The following FAM227B variants were observed in gnomAD, a reference collection of about 807,000 sequenced individuals.
FAM227B encodes protein FAM227B.
FAM227B carries 88 observed loss-of-function variants against 73.8 expected under a neutral mutation model. The ratio of observed to expected loss-of-function variants is 1.19; its 90% CI spans 1.00 to 1.42. FAM227B has a LOEUF of 1.42. Ranked by LOEUF, FAM227B falls within the 40% of genes most tolerant of loss-of-function variation. The pLI is 0.00. For missense variants in FAM227B, 632 were observed against 590.9 expected, an observed-to-expected ratio of 1.07 and a Z score of -0.72; for synonymous variants, 210 against 190.5, an observed-to-expected ratio of 1.10 and a Z score of -0.84.
intron 8 of FAM227B, among the ~76,000 whole-genome samples, chr15:49,569,175 AAC>A (rs1006516660): frequency 1.3e-5 from 2 of 151,904 alleles, no homozygotes; most frequent in Admixed American, 6.6e-5. Flanking sequence ...ATTCATTTAC[AAC>A]ACTCTTATAA....
intron 13 of FAM227B, among the ~76,000 whole-genome samples, chr15:49,348,820 C>T (rs750173373): frequency 3.3e-5 from 5 of 152,178 alleles, no homozygotes; most frequent in African/African-American, 4.8e-5. Flanking sequence ...TTTACCCCAG[C>T]CTTTGATATT....
intron 2 of FAM227B, among the ~76,000 whole-genome samples, chr15:49,613,092 T>C (rs2078055981): frequency 6.6e-6 from 1 of 152,146 alleles, no homozygotes; most frequent in East Asian, 1.9e-4. Flanking sequence ...CTCATGCCTA[T>C]AATACCAGCA....
intron 11 of FAM227B, among the ~76,000 whole-genome samples, chr15:49,392,997 A>G (rs1265671092): frequency 6.6e-6 from 1 of 152,184 alleles, no homozygotes; most frequent in African/African-American, 2.4e-5. Context: ...GAATGGACCA[A>G]TCCTACCACT....
At chr15:49,373,076 A>T (rs1567173985) in intron 11 of FAM227B, among the ~76,000 whole-genome samples, 2 of 152,002 alleles carry the variant, frequency 1.3e-5, no homozygotes, top group Non-Finnish European at 2.9e-5. Flanking sequence ...AAATACACAT[A>T]TAATACTTAA....
At position 49,328,214 on chromosome 15, in the gene FAM227B, C is replaced by G. The variant is rs182130124; in HGVS notation, c.*354G>C. ...TTAGGGCACTTAGGAATTGGCAGGACTTTCTGTGCCACAGTAAATTAATCT... is the reference window on the plus strand; with the variant it reads ...TTAGGGCACTTAGGAATTGGCAGGAGTTTCTGTGCCACAGTAAATTAATCT... On this transcript the variant is annotated 3_prime_UTR_variant, in exon 16 of 16. Transcript: ENST00000299338. 613 of 1,547,084 alleles carry G rather than the reference C, an allele frequency of 4.0e-4. 2 individuals are homozygous for G. The highest frequency in any genetic ancestry group is 4.6e-4 in the Non-Finnish European group (530 of 1,144,158).
intron 10 of FAM227B, among the ~76,000 whole-genome samples, chr15:49,527,317 G>A (rs961812500): frequency 2.6e-5 from 4 of 151,704 alleles, no homozygotes; most frequent in African/African-American, 9.7e-5. Context: ...TGCAGAATAA[G>A]CATTCAACAA....
intron 13 of FAM227B, among the ~76,000 whole-genome samples, chr15:49,351,147 AT>A (rs919293389): frequency 2.0e-5 from 3 of 152,292 alleles, no homozygotes; most frequent in African/African-American, 7.2e-5. Context: ...GTTTGCACTT[AT>A]TTGAATTCAG....
intron 1 of FAM227B, among the ~76,000 whole-genome samples, chr15:49,619,755 T>C (rs970242111): frequency 1.3e-5 from 2 of 152,206 alleles, no homozygotes; most frequent in Non-Finnish European, 2.9e-5. Flanking sequence ...AAAAGGAAAA[T>C]GGTTGTGAAT....
At chr15:49,527,089 A>G (rs2060260956) in intron 10 of FAM227B, among the ~76,000 whole-genome samples, 1 of 152,010 alleles carries the variant, frequency 6.6e-6, no homozygotes, top group Non-Finnish European at 1.5e-5. Context: ...CATAAAAAAG[A>G]AAACTACAGT....
At chr15:49,489,170 A>T in intron 11 of FAM227B, 1 of 740,062 alleles carries the variant, frequency 1.4e-6, no homozygotes. Context: ...CATACATACC[A>T]GAAAGCAGGG....
At chr15:49,489,246 G>T in intron 11 of FAM227B, 1 of 985,032 alleles carries the variant, frequency 1.0e-6, no homozygotes, top group Non-Finnish European at 1.2e-6. Flanking sequence ...TAATGTCACT[G>T]CCATAAACTG....
intron 3 of FAM227B, among the ~76,000 whole-genome samples, chr15:49,591,578 A>C (rs9745254): frequency 0.068 from 8,827 of 129,018 alleles, 964 homozygotes; most frequent in African/African-American, 0.24. Context: ...CTCCGCCTCC[A>C]AGGTTCAAGC....
intron 11 of FAM227B, among the ~76,000 whole-genome samples, chr15:49,474,577 A>C (rs1208860307): frequency 1.3e-5 from 2 of 152,110 alleles, no homozygotes; most frequent in South Asian, 4.1e-4. Flanking sequence ...TTTAATAAAT[A>C]ATGTTGAAAA....
chr15:49,583,156 A>C (rs1048351477), intron 5 of FAM227B, among the ~76,000 whole-genome samples: 1 of 152,088 alleles, frequency 6.6e-6, no homozygotes, highest in Admixed American at 6.6e-5. Flanking sequence ...CTGAGACACA[A>C]AAAAAATTGA....
chr15:49,536,948 CAA>C (rs1409247060), intron 10 of FAM227B, among the ~76,000 whole-genome samples: 1 of 151,760 alleles, frequency 6.6e-6, no homozygotes, highest in Non-Finnish European at 1.5e-5. Flanking sequence ...ATGTAAGACA[CAA>C]AGTCATAAAA....
chr15:49,540,568 T>C (rs1050618217), intron 10 of FAM227B, among the ~76,000 whole-genome samples: 2 of 152,196 alleles, frequency 1.3e-5, no homozygotes, highest in African/African-American at 2.4e-5. Flanking sequence ...CATTTATCTC[T>C]CCCACTTCTT....
At chr15:49,543,300 A>G (rs903882029) in intron 9 of FAM227B, among the ~76,000 whole-genome samples, 1 of 152,120 alleles carries the variant, frequency 6.6e-6, no homozygotes, top group African/African-American at 2.4e-5. Context: ...GGCCATTTGT[A>G]TATCTTCTTT....
intron 13 of FAM227B, among the ~76,000 whole-genome samples, chr15:49,341,655 ATCTT>A (rs1023223096): frequency 6.6e-6 from 1 of 152,170 alleles, no homozygotes; most frequent in African/African-American, 2.4e-5. Context: ...TCTGGCTGAG[ATCTT>A]TCTAACTTTT....
At chr15:49,379,106 T>G (rs919081366) in intron 11 of FAM227B, among the ~76,000 whole-genome samples, 1 of 152,206 alleles carries the variant, frequency 6.6e-6, no homozygotes, top group Non-Finnish European at 1.5e-5. Context: ...TTGATCGATT[T>G]GCATATGTTG....
Sources: gnomAD v4.1 joint callset for allele counts (sites outside exome capture counted in the v4.1 genomes callset) on GRCh38, gnomAD v4.1.1 for gene constraint, MANE v1.5 for transcripts, NCBI Gene and HGNC (gene_info 2026-07-23, HGNC 2026-07-21) for gene names.